The following RECQL5 variants were observed in gnomAD, a reference collection of about 807,000 sequenced individuals.
RECQL5 encodes RecQ like helicase 5.
In RECQL5, 88 loss-of-function variants were observed where a neutral mutation model predicts 103.4. The observed-to-expected ratio is 0.85, with a 90% CI of 0.72 to 1.02. RECQL5 has a LOEUF of 1.02. RECQL5 is among the 50% of genes least tolerant of loss of function. RECQL5 has a pLI of 0.00. For synonymous variants in RECQL5, 552 were observed against 507.9 expected, an observed-to-expected ratio of 1.09 and a Z score of -1.17; for missense variants, 1,232 against 1,284.3, an observed-to-expected ratio of 0.96 and a Z score of 0.62.
Position 75,660,974 on chromosome 17 carries a change from C to T in RECQL5, c.967G>A (p.Val323Met). Reference sequence around the variant, plus strand: ...GCTCACCTGACATTGGCTTTATCCACTCCCATCCCAAAACTAATGGTTGCA... The same window carrying T: ...GCTCACCTGACATTGGCTTTATCCATTCCCATCCCAAAACTAATGGTTGCA... ...IVATISFGMG[V>M]DKANVRFVAH... is the part of the protein sequence containing the mutation. Residue 323 changes from valine (V) to methionine (M), a missense_variant, in exon 6 of 20, where the codon GTG (valine) becomes ATG (methionine). Coordinates refer to ENST00000317905, the MANE Select transcript of RECQL5 (RefSeq NM_004259.7). 4 of 1,613,946 alleles carry T rather than the reference C, an allele frequency of 2.5e-6. No individual in the cohort carries two copies. The highest frequency in any genetic ancestry group is 3.4e-6 in the Non-Finnish European group (4 of 1,179,758).
chr17:75,651,859 C>A (rs2059560105), intron 7 of RECQL5, among the ~76,000 whole-genome samples: 1 of 152,116 alleles, frequency 6.6e-6, no homozygotes, highest in African/African-American at 2.4e-5. Flanking sequence ...GTGAACTTAA[C>A]AAATATGAAC....
intron 8 of RECQL5, chr17:75,633,454 C>G (rs1210506804): frequency 7.8e-7 from 1 of 1,289,074 alleles, no homozygotes; most frequent in Non-Finnish European, 1.0e-6. Flanking sequence ...GCAGAAGGCC[C>G]TCACCTCACA....
In RECQL5 at chr17:75,640,967, G is replaced by A. The variant is rs941535613; in HGVS notation, c.1230-9299C>T. 1 of 1,518,754 alleles carries A rather than the reference G, an allele frequency of 6.6e-7. No homozygotes were observed. Among genetic ancestry groups the A allele is most frequent in the African/African-American group, 1.4e-5 (1 of 72,772 alleles). The allele number at this position is 1,518,754 out of a possible 1,614,324, so 94.1% of individuals were successfully genotyped here. A position where few individuals can be genotyped will look rare whatever the true frequency, so the allele number is the denominator to read the frequency against. ...TGCCATGACACAGGCCATCAGCCTG[G>A]CCCTGCAGCCCTTACCCCTCAAGAC... On this transcript the variant is annotated intron_variant, in intron 8 of 19. Transcript: ENST00000317905. The surrounding 1 kb of genome is among the most constrained non-coding windows in gnomAD (Gnocchi z 4.6).
At chr17:75,646,475 G>A (rs2148305042) in intron 8 of RECQL5, 1 of 152,430 alleles carries the variant, frequency 6.6e-6, no homozygotes, top group Admixed American at 6.5e-5. Context: ...CACGTGCCCT[G>A]AGCACCCCCA....
In RECQL5 at chr17:75,629,276, A is replaced by G; in HGVS notation, c.2147T>C (p.Val716Ala). 1 of 1,599,928 alleles carries G rather than the reference A, an allele frequency of 6.3e-7. No individual in the cohort carries two copies. The highest frequency in any genetic ancestry group is 2.2e-5 in the East Asian group (1 of 44,520). ...SEPLPGPRGE[V>A]PGGSAHYGGP... The stretch of plus-strand genomic sequence containing the variant: ...CCCATAGTGAGCGCTGCCTCCAGGG[A>G]CCTCCCCTCTGGGCCCAGGGAGGGG... The change falls in exon 16 of 20, where the codon GTC (valine) becomes GCC (alanine). Residue 716 changes from valine to alanine, a missense_variant. Transcript: ENST00000317905.
At chr17:75,630,859 C>G in intron 11 of RECQL5, 22 bp from the exon 12 acceptor site, 1 of 1,474,386 alleles carries the variant, frequency 6.8e-7, no homozygotes, top group South Asian at 1.3e-5. Flanking sequence ...GGGGGTGGTC[C>G]TTGGTCCTTT....
At chr17:75,646,721 G>A (rs1405715808) in intron 8 of RECQL5, 1 of 152,372 alleles carries the variant, frequency 6.6e-6, no homozygotes, top group Non-Finnish European at 1.5e-5. Context: ...CCTCCACAAA[G>A]TGTGAGCCTG....
At position 75,631,204 on chromosome 17, in the gene RECQL5, C is replaced by T; in HGVS notation, c.1494G>A (p.Glu498=). The T allele has an allele frequency of 1.2e-6, 2 of 1,613,960 alleles. No individual in the cohort carries two copies. The highest frequency in any genetic ancestry group is 2.2e-5 in the East Asian group (1 of 44,888). The change falls in exon 10 of 20, where the codon GAG becomes GAA. Residue 498 remains glutamate, a synonymous_variant. Coordinates refer to ENST00000317905, the MANE Select transcript of RECQL5 (RefSeq NM_004259.7). ...SGGSGDEGRD[E]AHKREWNLFY... is the part of the protein sequence containing the mutation. ...AGAGGTTCCACTCCCGCTTGTGGGC[C>T]TCATCTCTGCCTTCATCCCCGCTGC...
intron 8 of RECQL5, among the ~76,000 whole-genome samples, chr17:75,642,748 T>TA (rs1405900957): frequency 1.3e-5 from 2 of 152,232 alleles, no homozygotes; most frequent in Non-Finnish European, 2.9e-5. Flanking sequence ...CTCATCACAG[T>TA]ACCTCCATGT....
At chr17:75,666,865 TGGA>T in intron 1 of RECQL5, 176 bp downstream of exon 1, 4 of 299,316 alleles carry the variant, frequency 1.3e-5, no homozygotes, top group Admixed American at 4.9e-5. Flanking sequence ...CAGAACAGCT[TGGA>T]GAACGGGGAA....
At chr17:75,642,400 C>A (rs2059444957) in intron 8 of RECQL5, among the ~76,000 whole-genome samples, 1 of 152,222 alleles carries the variant, frequency 6.6e-6, no homozygotes, top group Non-Finnish European at 1.5e-5. Context: ...GGATCCCAGC[C>A]CCTGCCACAC....
chr17:75,666,490 A>C lies in RECQL5; in HGVS notation c.68T>G (p.Val23Gly), dbSNP rs1271296618. 6.2e-7 allele frequency: 1 copy of C among 1,614,040 alleles called. No individual in the cohort carries two copies. The stretch of plus-strand genomic sequence containing the variant: ...CGTCTTAAAAGAGTCAAACCCAAAG[A>C]CCTTCTTCAGCGTACTCCGGACTCG... ...ERRVRSTLKK[V>G]FGFDSFKTPL... Residue 23 changes from valine (V) to glycine (G), a missense_variant, in exon 2 of 20, where the codon GTC (valine) becomes GGC (glycine). Physicochemically the swap from Val to Gly is moderately radical, Grantham distance 109. Transcript: ENST00000317905.
chr17:75,650,164 T>G, intron 8 of RECQL5: 1 of 986,832 alleles, frequency 1.0e-6, no homozygotes, highest in Non-Finnish European at 1.2e-6. Context: ...TTAATTGTGC[T>G]TGAAAAGGGC....
At chr17:75,628,911 T>C in intron 16 of RECQL5, 23 bp downstream of exon 16, 1 of 1,581,704 alleles carries the variant, frequency 6.3e-7, no homozygotes, top group South Asian at 1.2e-5. Flanking sequence ...TCCAGAAGAT[T>C]CTATGACTAC....
rs1354093963 is a variant in RECQL5, at chr17:75,641,786, C to T, written c.1229+9400G>A. 2.0e-5 allele frequency among the ~76,000 whole-genome samples: 3 copies of T among 152,180 alleles called. No individual in the cohort carries two copies. The South Asian group carries it at 6.2e-4, about 32-fold the overall frequency. ...GTCTTCACAAACTGCCAGAGGAAGG[C>T]CCTAATGTCACCTGTAACCTGCCTC... On this transcript the variant is annotated intron_variant, in intron 8 of 19. Coordinates refer to ENST00000317905, the MANE Select transcript of RECQL5 (RefSeq NM_004259.7).
In RECQL5 at chr17:75,631,522, C is replaced by T. The variant is rs868819468; in HGVS notation, c.1376G>A (p.Gly459Glu). 20 of 1,613,174 alleles carry T rather than the reference C, an allele frequency of 1.2e-5. No individual in the cohort carries two copies. The African/African-American group carries it at 2.1e-4, about 17-fold the overall frequency. ...RSSSWSKTCI[G>E]PSQGNGFDPE... ...GTCAAAGCCGTTCCCCTGGGAGGGC[C>T]CGATGCAGGTCTTGCTCCAGCTGCT... The change falls in exon 9 of 20, where the codon GGG becomes GAG. Residue 459 changes from glycine (G) to glutamate (E), a missense_variant. Coordinates refer to ENST00000317905, the MANE Select transcript of RECQL5 (RefSeq NM_004259.7).
chr17:75,662,509 A>G lies in RECQL5; in HGVS notation c.741T>C (p.Leu247=), dbSNP rs1340898858. The change falls in exon 4 of 20, where the codon CTT becomes CTC. Residue 247 remains leucine (L), a synonymous_variant. Transcript: ENST00000317905. ...TATCAGCCTCCTGTCCAAGAGCCTT[A>G]AGGCAGAAGTCCTTCAGGTTCCCAT... is the stretch of plus-strand genomic sequence containing the variant. ...DPYGNLKDFC[L]KALGQEADKG... is the part of the protein sequence containing the mutation. 1.2e-6 allele frequency: 2 copies of G among 1,614,134 alleles called. No homozygotes were observed. Among genetic ancestry groups the G allele is most frequent in the Admixed American group, 3.3e-5 (2 of 60,020 alleles).
At chr17:75,631,399 G>C in intron 9 of RECQL5, 51 bp downstream of exon 9, 2 of 1,581,630 alleles carry the variant, frequency 1.3e-6, no homozygotes, top group South Asian at 2.2e-5. Flanking sequence ...GGCGCCAAGG[G>C]AATGCCAGGC....
intron 8 of RECQL5, chr17:75,649,967 C>T (rs775700758): frequency 2.4e-4 from 232 of 985,412 alleles, no homozygotes; most frequent in Non-Finnish European, 2.7e-4. Context: ...GCCTGGCAGG[C>T]GGAGCAGACC....
Sources: allele counts gnomAD v4.1 joint callset (sites outside exome capture counted in the v4.1 genomes callset), GRCh38; gene constraint gnomAD v4.1.1; non-coding constraint Gnocchi (gnomAD v3.1); transcripts MANE v1.5; gene names NCBI Gene and HGNC (gene_info 2026-07-23, HGNC 2026-07-21).